Variants in AHI1 observed in about 807,000 individuals in gnomAD.
The protein encoded by AHI1 is jouberin.
Under a neutral mutation model 149.3 loss-of-function variants are expected in AHI1, and 123 were observed. That is an observed-to-expected ratio of 0.82 (90% CI 0.71 to 0.96). The LOEUF (loss-of-function observed/expected upper bound fraction) is 0.96. Ranked by LOEUF, AHI1 falls within the 40% of genes least tolerant of loss-of-function variation. The probability of loss-of-function intolerance (pLI) is 0.00; values close to 1 mark genes in which losing one functional copy is unlikely to be tolerated. For synonymous variants in AHI1, 475 were observed against 459.8 expected, an observed-to-expected ratio of 1.03 and a Z score of -0.42; for missense variants, 1,439 against 1,422.7, an observed-to-expected ratio of 1.01 and a Z score of -0.18.
chr6:135,371,845 G>C (rs779416150), intron 23 of AHI1, among the ~76,000 whole-genome samples: 3 of 152,208 alleles, frequency 2.0e-5, no homozygotes, highest in African/African-American at 7.2e-5. Context: ...ACTCGGTGTT[G>C]AGCAAGGATC....
intron 5 of AHI1, among the ~76,000 whole-genome samples, chr6:135,472,242 A>G (rs983524785): frequency 5.3e-5 from 8 of 152,064 alleles, no homozygotes; most frequent in South Asian, 2.1e-4. Context: ...TGGTATCACA[A>G]TAGCTTTGCC....
intron 26 of AHI1, among the ~76,000 whole-genome samples, chr6:135,312,129 GAT>G (rs1785287696): frequency 6.6e-6 from 1 of 152,172 alleles, no homozygotes; most frequent in Non-Finnish European, 1.5e-5. Flanking sequence ...GAAAGAAAAT[GAT>G]TGAGGTTTGT....
intron 10 of AHI1, 52 bp from the exon 11 acceptor site, chr6:135,453,488 A>G: frequency 7.9e-7 from 1 of 1,259,812 alleles, no homozygotes; most frequent in South Asian, 1.4e-5. Context: ...ATATTTTCTA[A>G]TGGTACATTA....
chr6:135,447,044 T>C lies in AHI1; in HGVS notation c.1743A>G (p.Ser581=). ...SVDTEPGLEE[S]KEVIKWKRLP... Reference sequence around the variant, plus strand: ...GTCGTTTCCACTTTATTACTTCCTTTGACTCTTCTAATCCAGGTTCTGTGT... The same window carrying C: ...GTCGTTTCCACTTTATTACTTCCTTCGACTCTTCTAATCCAGGTTCTGTGT... Residue 581 remains serine (S), a synonymous_variant, in exon 13 of 29, where the codon TCA becomes TCG. Transcript: ENST00000265602. 6.2e-7 allele frequency: 1 copy of C among 1,613,276 alleles called. No individual in the cohort carries two copies. Among genetic ancestry groups the C allele is most frequent in the East Asian group, 2.2e-5 (1 of 44,822 alleles).
At chr6:135,315,901 C>G (rs564654912) in intron 26 of AHI1, among the ~76,000 whole-genome samples, 2 of 152,166 alleles carry the variant, frequency 1.3e-5, no homozygotes, top group Non-Finnish European at 2.9e-5. Context: ...TCCACACTTA[C>G]CTGTTTAGAG....
intron 23 of AHI1, among the ~76,000 whole-genome samples, chr6:135,367,360 T>C (rs1039469949): frequency 6.6e-6 from 1 of 152,170 alleles, no homozygotes; most frequent in Non-Finnish European, 1.5e-5. Flanking sequence ...TTGTGATGAA[T>C]TTCCCAGGTG....
At chr6:135,298,341 A>AT in intron 27 of AHI1, among the ~76,000 whole-genome samples, 1 of 149,854 alleles carries the variant, frequency 6.7e-6, no homozygotes, top group Non-Finnish European at 1.5e-5. Flanking sequence ...AAAAAAAAAA[A>AT]ACAAAAAAAC....
intron 2 of AHI1, among the ~76,000 whole-genome samples, chr6:135,496,306 G>A (rs1478343927): frequency 6.6e-6 from 1 of 151,970 alleles, no homozygotes; most frequent in East Asian, 1.9e-4. Context: ...TAGTAGAGAT[G>A]GGGTTTCACC....
Position 135,394,821 on chromosome 6 carries a change from G to T in AHI1, c.3064C>A (p.Leu1022Met). 1 of 1,609,116 alleles carries T rather than the reference G, an allele frequency of 6.2e-7. No homozygotes were observed. The part of the protein sequence containing the change: ...QQSKLKQSNM[L>M]TAQEILHQFG... ...TGATGTAGAATCTCTTGAGCGGTCAGCATGTTTGACTGCTTTAACTTAGAC... is the reference window on the plus strand; with the variant it reads ...TGATGTAGAATCTCTTGAGCGGTCATCATGTTTGACTGCTTTAACTTAGAC... The change falls in exon 23 of 29, where the codon CTG (leucine) becomes ATG (methionine). Residue 1022 changes from leucine (L) to methionine (M), a missense_variant. Leu to Met is a conservative substitution (Grantham distance 15). Transcript: ENST00000265602.
At chr6:135,424,750 A>C (rs1321437196) in intron 20 of AHI1, among the ~76,000 whole-genome samples, 2 of 151,962 alleles carry the variant, frequency 1.3e-5, no homozygotes, top group Non-Finnish European at 2.9e-5. Context: ...CTGTGGTCTC[A>C]TTCACAACTT....
intron 23 of AHI1, among the ~76,000 whole-genome samples, chr6:135,391,267 C>T (rs1171547386): frequency 2.0e-5 from 3 of 152,132 alleles, no homozygotes; most frequent in Non-Finnish European, 4.4e-5. Flanking sequence ...AGCAGCAGTA[C>T]CCAACTTTTT....
At chr6:135,318,323 C>T (rs1300912184) in intron 26 of AHI1, 196 bp downstream of exon 26, 12 of 520,832 alleles carry the variant, frequency 2.3e-5, no homozygotes, top group Non-Finnish European at 3.1e-5. Context: ...TTTAACCTCT[C>T]TGGGCCTCCT....
chr6:135,404,944 T>A lies in AHI1; in HGVS notation c.2988+7A>T, dbSNP rs768920326. On this transcript the variant is annotated splice_region_variant and intron_variant, in intron 22 of 28. Coordinates refer to ENST00000265602, the MANE Select transcript of AHI1 (RefSeq NM_001134831.2). ...AAGTTATCTTCCTGGTAATAAAAAC[T>A]ACTTACTTTTGCAGCACAGGAACGT... 5.6e-6 allele frequency: 9 copies of A among 1,607,794 alleles called. No individual in the cohort carries two copies. The highest frequency in any genetic ancestry group is 7.7e-6 in the Non-Finnish European group (9 of 1,174,792).
At chr6:135,286,007 T>C (rs1051464872) in intron 28 of AHI1, among the ~76,000 whole-genome samples, 4 of 152,230 alleles carry the variant, frequency 2.6e-5, no homozygotes, top group East Asian at 1.9e-4. Flanking sequence ...AAATTCTTCA[T>C]TGAATGGGAA....
At chr6:135,420,977 T>C (rs1475865771) in intron 20 of AHI1, among the ~76,000 whole-genome samples, 1 of 152,142 alleles carries the variant, frequency 6.6e-6, no homozygotes, top group African/African-American at 2.4e-5. Context: ...CTTGAATACT[T>C]AAAAGGCCAC....
intron 27 of AHI1, among the ~76,000 whole-genome samples, chr6:135,296,598 A>G (rs1013208988): frequency 6.6e-6 from 1 of 152,090 alleles, no homozygotes; most frequent in African/African-American, 2.4e-5. Flanking sequence ...CTACATACTC[A>G]CATTACTCAA....
chr6:135,447,094 G>T lies in AHI1; in HGVS notation c.1693C>A (p.Arg565Ser). 1.2e-6 allele frequency: 2 copies of T among 1,612,740 alleles called. No individual in the cohort carries two copies. Residue 565 changes from arginine (R) to serine (S), a missense_variant, in exon 13 of 29, where the codon CGT becomes AGT. By Grantham distance (110) the Arg-to-Ser change is moderately radical. Transcript: ENST00000265602. ...TCTACTGAGCTTGACTCATGGTGACGTTCACAATGCACTGGTTTACCTTTT... is the reference window on the plus strand; with the variant it reads ...TCTACTGAGCTTGACTCATGGTGACTTTCACAATGCACTGGTTTACCTTTT... The part of the protein sequence containing the change: ...EEKGKPVHCE[R>S]HHESSSVDTE...
intron 20 of AHI1, among the ~76,000 whole-genome samples, chr6:135,422,527 G>C (rs898830533): frequency 1.1e-4 from 16 of 151,736 alleles, no homozygotes; most frequent in African/African-American, 3.9e-4. Flanking sequence ...AAAAATTAGT[G>C]CTATATACTA....
chr6:135,343,112 G>A (rs190629488), intron 24 of AHI1, among the ~76,000 whole-genome samples: 2 of 151,868 alleles, frequency 1.3e-5, no homozygotes, highest in East Asian at 3.9e-4. Context: ...CAGGATACAT[G>A]AGCAATATAC....
Sources: gnomAD v4.1 joint callset for allele counts (sites outside exome capture counted in the v4.1 genomes callset) on GRCh38, gnomAD v4.1.1 for gene constraint, MANE v1.5 for transcripts, NCBI Gene and HGNC (gene_info 2026-07-23, HGNC 2026-07-21) for gene names.